OCA2: variants seen among roughly 807,000 people sequenced by gnomAD.
OCA2 encodes OCA2 melanosomal transmembrane protein, also known as P protein.
OCA2 carries 77 observed loss-of-function variants against 100.2 expected under a neutral mutation model. The observed-to-expected ratio is 0.77, with a 90% CI of 0.64 to 0.93. The LOEUF (loss-of-function observed/expected upper bound fraction) is 0.93. OCA2 is among the 40% of genes least tolerant of loss of function. The pLI, the probability that OCA2 is intolerant of heterozygous loss-of-function variation, is 0.00. For synonymous variants in OCA2, 432 were observed against 439.2 expected (o/e 0.98, Z 0.21); for missense variants, 1,062 against 1,089.1 (o/e 0.98, Z 0.35).
At chr15:27,997,852 A>G (rs565933243) in intron 9 of OCA2, among the ~76,000 whole-genome samples, 2 of 131,562 alleles carry the variant, frequency 1.5e-5, no homozygotes, top group East Asian at 4.1e-4. Flanking sequence ...CTTTTATTTC[A>G]TTGAGCAGTG....
At chr15:27,923,229 C>T (rs1031632412) in intron 19 of OCA2, among the ~76,000 whole-genome samples, 7 of 152,118 alleles carry the variant, frequency 4.6e-5, no homozygotes, top group Non-Finnish European at 8.8e-5. Context: ...ACTTTATCCA[C>T]TTTTCTTTAT....
chr15:27,815,220 CTG>C (rs924139709), intron 23 of OCA2, among the ~76,000 whole-genome samples: 1 of 152,174 alleles, frequency 6.6e-6, no homozygotes, highest in African/African-American at 2.4e-5. Flanking sequence ...CAGGTGAACT[CTG>C]TGGTGCGTCA....
chr15:27,917,225 CT>C (rs2038698942), intron 19 of OCA2, among the ~76,000 whole-genome samples: 1 of 152,066 alleles, frequency 6.6e-6, no homozygotes, highest in South Asian at 2.1e-4. Context: ...GGCTATAGCA[CT>C]TTTTGAATGC....
intron 23 of OCA2, among the ~76,000 whole-genome samples, chr15:27,807,842 C>T (rs2151204005): frequency 6.6e-6 from 1 of 152,330 alleles, no homozygotes; most frequent in Middle Eastern, 3.4e-3. Context: ...GGCATTAAGA[C>T]ATAAAGCAAG....
At chr15:27,998,797 C>T (rs1595792062) in intron 9 of OCA2, among the ~76,000 whole-genome samples, 2 of 145,902 alleles carry the variant, frequency 1.4e-5, no homozygotes, top group East Asian at 4.0e-4. Context: ...TTGGAACCAA[C>T]CCAAATGTCC....
At position 27,958,197 on chromosome 15, in the gene OCA2, T is replaced by C. The variant is rs143568311; in HGVS notation, c.1637-462A>G. ...CACATGTACCCTAGAACTTAAAGTG[T>C]AATAAAAAAAAAATTATCACGAAAG... On this transcript the variant is annotated intron_variant, in intron 15 of 23. Transcript: ENST00000354638. Among the ~76,000 whole-genome samples the C allele has an allele frequency of 2.1e-3, 318 of 152,246 alleles. 1 individual carries two copies. Among genetic ancestry groups the C allele is most frequent in the African/African-American group, 7.1e-3 (296 of 41,562 alleles).
intron 14 of OCA2, among the ~76,000 whole-genome samples, chr15:27,971,585 A>G (rs1309714893): frequency 2.6e-5 from 4 of 152,090 alleles, no homozygotes; most frequent in African/African-American, 9.7e-5. Flanking sequence ...GGTCCTCCCT[A>G]CCTACCTGTC....
chr15:27,933,898 T>C (rs930413335), intron 18 of OCA2, among the ~76,000 whole-genome samples: 1 of 152,194 alleles, frequency 6.6e-6, no homozygotes, highest in African/African-American at 2.4e-5. Context: ...ATGTAATTAA[T>C]GCCACTGAGT....
chr15:27,886,238 T>A (rs893823058), intron 19 of OCA2, among the ~76,000 whole-genome samples: 1 of 152,220 alleles, frequency 6.6e-6, no homozygotes, highest in African/African-American at 2.4e-5. Context: ...GTTGAGGCTC[T>A]GGATTTTATT....
Position 27,871,190 on chromosome 15 carries a change from C to A in OCA2, c.2208G>T (p.Ser736=), listed in dbSNP as rs1800418. Residue 736 remains serine (S), a synonymous_variant, in exon 21 of 24, where the codon TCG becomes TCT. Coordinates refer to ENST00000354638, the MANE Select transcript of OCA2 (RefSeq NM_000275.3). ...VLVVWVSALA[S]SLIDNIPFTA... is the part of the protein sequence containing the mutation. ...TGAACGGGATGTTGTCAATCAGGGA[C>A]GACGCCAGGGCTGAGACCCACACCA... 911 of 1,614,020 alleles carry A rather than the reference C, an allele frequency of 5.6e-4. 6 individuals carry two copies. In the African/African-American group the frequency reaches 0.011, roughly 20 times the overall value.
chr15:27,762,114 G>A (rs2030889044), intron 23 of OCA2, among the ~76,000 whole-genome samples: 1 of 152,172 alleles, frequency 6.6e-6, no homozygotes, highest in African/African-American at 2.4e-5. Context: ...GCATAGTGGT[G>A]AGGTCTGGGC....
At chr15:28,001,043 T>C (rs1344976651) in intron 9 of OCA2, among the ~76,000 whole-genome samples, 3 of 152,140 alleles carry the variant, frequency 2.0e-5, no homozygotes, top group African/African-American at 4.8e-5. Flanking sequence ...GAAAGCAATA[T>C]AGAACTTTCA....
At chr15:27,846,001 G>A (rs1021169040) in intron 22 of OCA2, among the ~76,000 whole-genome samples, 6 of 152,192 alleles carry the variant, frequency 3.9e-5, no homozygotes, top group Non-Finnish European at 8.8e-5. Context: ...GTGCCCAGGT[G>A]TCAGGTCGGG....
intron 6 of OCA2, among the ~76,000 whole-genome samples, chr15:28,022,204 G>A (rs568473603): frequency 9.2e-5 from 14 of 151,820 alleles, no homozygotes; most frequent in Middle Eastern, 3.2e-3. Flanking sequence ...CAAAAGAGAC[G>A]GGGGAGGAAA....
chr15:27,931,062 A>G (rs2039230673), intron 18 of OCA2, among the ~76,000 whole-genome samples: 1 of 152,166 alleles, frequency 6.6e-6, no homozygotes, highest in Admixed American at 6.5e-5. Flanking sequence ...CACTTTCAAG[A>G]GTTAGAGACT....
chr15:28,055,525 C>T (rs1470605496), intron 2 of OCA2, among the ~76,000 whole-genome samples: 1 of 152,180 alleles, frequency 6.6e-6, no homozygotes, highest in Non-Finnish European at 1.5e-5. Flanking sequence ...TGGAAGTGTG[C>T]TCCTAGATGG....
intron 19 of OCA2, among the ~76,000 whole-genome samples, chr15:27,904,731 A>AG (rs1480110702): frequency 6.6e-6 from 1 of 152,314 alleles, no homozygotes; most frequent in African/African-American, 2.4e-5. Context: ...CAGGAACCCT[A>AG]GGCAACAACT....
intron 2 of OCA2, among the ~76,000 whole-genome samples, chr15:28,056,232 C>A (rs1402215000): frequency 6.6e-6 from 1 of 152,220 alleles, no homozygotes; most frequent in Non-Finnish European, 1.5e-5. Context: ...ACAGCGTTTT[C>A]ATATGCAGAG....
rs1328954259 is a variant in OCA2 at position 28,070,506 on chromosome 15, C to G, written c.227+11142G>C. On this transcript the variant is annotated intron_variant, in intron 2 of 23. Coordinates refer to ENST00000354638, the MANE Select transcript of OCA2 (RefSeq NM_000275.3). ...GAGGGAGGTGGGGGGGTCAGCCCCC[C>G]GCCTGGCCAGCCGCCCCGTCCGGGA... Among the ~76,000 whole-genome samples, 11 of 133,626 alleles carry G rather than the reference C, an allele frequency of 8.2e-5. 2 individuals carry two copies. Among genetic ancestry groups the G allele is most frequent in the South Asian group, 7.7e-4 (3 of 3,878 alleles). The allele number at this position is 133,626 out of a possible 152,430, so 87.7% of individuals were successfully genotyped here.
Sources: gnomAD v4.1 joint callset for allele counts (sites outside exome capture counted in the v4.1 genomes callset) on GRCh38, gnomAD v4.1.1 for gene constraint, MANE v1.5 for transcripts, NCBI Gene and HGNC (gene_info 2026-07-23, HGNC 2026-07-21) for gene names.